The following NR3C2 variants were observed in gnomAD, a reference collection of about 807,000 sequenced individuals.
NR3C2 encodes mineralocorticoid receptor.
NR3C2 carries 15 observed loss-of-function variants against 86.4 expected under a neutral mutation model. The observed-to-expected ratio is 0.17, with a 90% CI of 0.12 to 0.27. The LOEUF (loss-of-function observed/expected upper bound fraction) is 0.27, where lower values mean the gene tolerates loss of function less well. NR3C2 is among the 10% of genes least tolerant of loss of function. The pLI, the probability that NR3C2 is intolerant of heterozygous loss-of-function variation, is 1.00. For synonymous variants in NR3C2, 458 were observed against 450.5 expected (o/e 1.02, Z -0.21); for missense variants, 960 against 1,195.6 (o/e 0.80, Z 2.91).
At chr4:148,258,562 G>C (rs1161657672) in intron 3 of NR3C2, among the ~76,000 whole-genome samples, 1 of 152,164 alleles carries the variant, frequency 6.6e-6, no homozygotes, top group African/African-American at 2.4e-5. Flanking sequence ...ACAGGCACTG[G>C]GGCAGAGGTG....
intron 3 of NR3C2, among the ~76,000 whole-genome samples, chr4:148,233,477 C>G (rs1342768102): frequency 6.6e-6 from 1 of 151,608 alleles, no homozygotes; most frequent in East Asian, 1.9e-4. Flanking sequence ...CCTCACACTT[C>G]AGCTTCCTGA....
At chr4:148,183,612 T>C (rs1434220336) in intron 4 of NR3C2, among the ~76,000 whole-genome samples, 2 of 152,228 alleles carry the variant, frequency 1.3e-5, no homozygotes, top group Admixed American at 6.5e-5. Context: ...ATTAACTCGC[T>C]TGTAAAATGG....
chr4:148,427,992 G>A (rs1187165036), intron 2 of NR3C2, among the ~76,000 whole-genome samples: 4 of 152,190 alleles, frequency 2.6e-5, no homozygotes, highest in Non-Finnish European at 4.4e-5. Flanking sequence ...GAAGAATGGG[G>A]TGCTTACACA....
chr4:148,339,208 A>C (rs569279791), intron 2 of NR3C2, among the ~76,000 whole-genome samples: 1 of 152,278 alleles, frequency 6.6e-6, no homozygotes, highest in Admixed American at 6.5e-5. Flanking sequence ...ACACAGAGCT[A>C]TTCCAAGCAC....
intron 2 of NR3C2, among the ~76,000 whole-genome samples, chr4:148,375,049 T>C (rs1287707453): frequency 1.3e-5 from 2 of 152,180 alleles, no homozygotes; most frequent in African/African-American, 2.4e-5. Context: ...GGTCAGTGCA[T>C]TGGGTAAAGA....
Position 148,432,262 on chromosome 4 carries a change from T to G in NR3C2, c.1757+2842A>C, listed in dbSNP as rs149971937. ...TTTCTTCAAGTACATAGAGAAAATC[T>G]CATCTCATATAGATATGTTGTTGGG... On this transcript the variant is annotated intron_variant, in intron 2 of 8. Coordinates refer to ENST00000358102, the MANE Select transcript of NR3C2 (RefSeq NM_000901.5). 2.6e-4 allele frequency among the ~76,000 whole-genome samples: 40 copies of G among 152,302 alleles called. No individual in the cohort carries two copies. The East Asian group carries it at 7.5e-3, about 29-fold the overall frequency.
intron 2 of NR3C2, among the ~76,000 whole-genome samples, chr4:148,291,169 T>A (rs1156691034): frequency 6.6e-6 from 1 of 152,098 alleles, no homozygotes; most frequent in African/African-American, 2.4e-5. Flanking sequence ...CCAAAAAGCA[T>A]GTTTTCTTTC....
chr4:148,156,743 G>A (rs1734409651), intron 4 of NR3C2, among the ~76,000 whole-genome samples: 1 of 152,158 alleles, frequency 6.6e-6, no homozygotes, highest in Non-Finnish European at 1.5e-5. Context: ...GGAAGTCAGT[G>A]TGGCGTTTCC....
chr4:148,441,791 T>C (rs1750354425), intron 1 of NR3C2, among the ~76,000 whole-genome samples: 1 of 152,198 alleles, frequency 6.6e-6, no homozygotes, highest in Non-Finnish European at 1.5e-5. Flanking sequence ...CCGGCTGAGA[T>C]TTGGGAGCGT....
intron 1 of NR3C2, among the ~76,000 whole-genome samples, chr4:148,440,839 G>T (rs1051418377): frequency 6.6e-6 from 1 of 152,126 alleles, no homozygotes; most frequent in Non-Finnish European, 1.5e-5. Flanking sequence ...ATTTTATCTG[G>T]AAACACTTTC....
At chr4:148,407,719 G>A (rs545189817) in intron 2 of NR3C2, among the ~76,000 whole-genome samples, 1 of 152,160 alleles carries the variant, frequency 6.6e-6, no homozygotes, top group East Asian at 1.9e-4. Flanking sequence ...TCCTTCTAAA[G>A]AAATTAGTTC....
chr4:148,229,125 T>G lies in NR3C2; in HGVS notation c.1897+30853A>C, dbSNP rs116593435. Among the ~76,000 whole-genome samples the G allele has an allele frequency of 7.6e-3, 1,159 of 152,254 alleles. 10 individuals carry two copies. The highest frequency in any genetic ancestry group is 0.025 in the African/African-American group (1,033 of 41,546). On this transcript the variant is annotated intron_variant, in intron 3 of 8. Transcript: ENST00000358102. ...AAGGAGATTAAAGCAAATTGATAGA[T>G]GCAGGAGGCAGATAAGGGAACCTGC...
chr4:148,248,474 T>C (rs1315369369), intron 3 of NR3C2, among the ~76,000 whole-genome samples: 1 of 152,176 alleles, frequency 6.6e-6, no homozygotes, highest in Non-Finnish European at 1.5e-5. Flanking sequence ...TTGGTACAGT[T>C]AATTAAAGGG....
intron 2 of NR3C2, among the ~76,000 whole-genome samples, chr4:148,384,372 T>C (rs1018288615): frequency 1.3e-5 from 2 of 152,294 alleles, no homozygotes; most frequent in East Asian, 3.9e-4. Flanking sequence ...ATTTTCTTTG[T>C]CCAGAAGAGA....
In NR3C2 at chr4:148,435,676, G is replaced by C; in HGVS notation, c.1185C>G (p.Val395=). The C allele has an allele frequency of 6.2e-7, 1 of 1,614,090 alleles. No individual in the cohort carries two copies. Among genetic ancestry groups the C allele is most frequent in the Non-Finnish European group, 8.5e-7 (1 of 1,180,012 alleles). Residue 395 remains valine, a synonymous_variant, in exon 2 of 9, where the codon GTC becomes GTG. Transcript: ENST00000358102. ...SNGVTGQLNI[V]QYIKPEPDGA... is the part of the protein sequence containing the mutation. ...CATCTGGTTCTGGTTTTATGTACTG[G>C]ACAATATTAAGCTGGCCAGTCACAC...
intron 3 of NR3C2, among the ~76,000 whole-genome samples, chr4:148,250,899 G>A (rs1041667486): frequency 3.3e-5 from 5 of 152,056 alleles, no homozygotes; most frequent in African/African-American, 1.2e-4. Context: ...AGCTGGGTCT[G>A]CTCAAGCAGG....
chr4:148,080,016 A>AGAT lies in NR3C2; in HGVS notation c.*1325_*1327dup, dbSNP rs376591858. 5.3e-5 allele frequency: 8 copies of AGAT among 152,170 alleles called. No homozygotes were observed. Among genetic ancestry groups the AGAT allele is most frequent in the African/African-American group, 4.8e-5 (2 of 41,426 alleles). 9.4% of individuals were successfully genotyped at this position (152,170 alleles called of 1,614,324 possible). A position where few individuals can be genotyped will look rare whatever the true frequency, so the allele number is the denominator to read the frequency against. On this transcript the variant is annotated 3_prime_UTR_variant, in exon 9 of 9. Coordinates refer to ENST00000358102, the MANE Select transcript of NR3C2 (RefSeq NM_000901.5). The stretch of plus-strand genomic sequence containing the variant: ...TCTGATTTTCTAAAATGGGAGGAAA[A>AGAT]GATGCTCTCTGAGCCATCAAGTTCC...
At chr4:148,231,599 C>T (rs970578055) in intron 3 of NR3C2, among the ~76,000 whole-genome samples, 1 of 152,244 alleles carries the variant, frequency 6.6e-6, no homozygotes, top group Middle Eastern at 3.4e-3. Context: ...AGTCTTGCCT[C>T]GATGTTGATG....
At chr4:148,361,660 TA>T (rs1745843802) in intron 2 of NR3C2, among the ~76,000 whole-genome samples, 1 of 152,214 alleles carries the variant, frequency 6.6e-6, no homozygotes, top group Non-Finnish European at 1.5e-5. Flanking sequence ...AAACTGGAGT[TA>T]ATACCACCTG....
Sources: gnomAD v4.1 joint callset for allele counts (sites outside exome capture counted in the v4.1 genomes callset) on GRCh38, gnomAD v4.1.1 for gene constraint, MANE v1.5 for transcripts, NCBI Gene and HGNC (gene_info 2026-07-23, HGNC 2026-07-21) for gene names.